Variants in MYO15A observed in about 807,000 individuals in gnomAD.
The protein encoded by MYO15A is myosin XVA.
MYO15A carries 308 observed loss-of-function variants against 394.6 expected under a neutral mutation model. That is an observed-to-expected ratio of 0.78 (90% CI 0.71 to 0.86). MYO15A has a LOEUF of 0.86. MYO15A is among the 40% of genes least tolerant of loss of function. The pLI is 0.00. For missense variants in MYO15A, 4,606 were observed against 4,799.1 expected (o/e 0.96, Z 1.19); for synonymous variants, 1,957 against 2,003.8 (o/e 0.98, Z 0.62).
In MYO15A at chr17:18,125,156, G is replaced by C; in HGVS notation, c.3693-12G>C. 6.2e-7 allele frequency: 1 copy of C among 1,614,024 alleles called. No homozygotes were observed. The highest frequency in any genetic ancestry group is 8.5e-7 in the Non-Finnish European group (1 of 1,179,914). Reference sequence around the variant, plus strand: ...CTGGGGGCACTGACGGCTTCTCTCTGTGTCCTTCTAGAGACCTCCAGGAAA... The same window carrying C: ...CTGGGGGCACTGACGGCTTCTCTCTCTGTCCTTCTAGAGACCTCCAGGAAA... On this transcript the variant is annotated splice_polypyrimidine_tract_variant and intron_variant, in intron 3 of 65. Transcript: ENST00000647165.
At position 18,162,657 on chromosome 17, in the gene MYO15A, G is replaced by T. The variant is rs376707136; in HGVS notation, c.9590G>T (p.Ser3197Ile). 3 of 1,614,034 alleles carry T rather than the reference G, an allele frequency of 1.9e-6. No individual in the cohort carries two copies. Among genetic ancestry groups the T allele is most frequent in the East Asian group, 4.5e-5 (2 of 44,862 alleles). The change falls in exon 58 of 66, where the codon AGC becomes ATC. Residue 3197 changes from serine to isoleucine, a missense_variant. Coordinates refer to ENST00000647165, the MANE Select transcript of MYO15A (RefSeq NM_016239.4). ...GGAGGTCGTCTGGAGCTCCCCAGCA[G>T]CATAGAGCTTCGGGCCATGTTGGTG... The part of the protein sequence containing the change: ...RFGGRLELPS[S>I]IELRAMLAGR...
chr17:18,143,589 G>A lies in MYO15A; in HGVS notation c.5934G>A (p.Gln1978=), dbSNP rs542354280. The A allele has an allele frequency of 5.8e-6, 9 of 1,564,098 alleles. No individual in the cohort carries two copies. The African/African-American group carries it at 1.1e-4, about 19-fold the overall frequency. Residue 1978 remains glutamine (Q), a synonymous_variant, in exon 26 of 66, where the codon CAG becomes CAA. Coordinates refer to ENST00000647165, the MANE Select transcript of MYO15A (RefSeq NM_016239.4). ...AGCTGAGGGCAGAGTGGAGGTGCCA[G>A]GTGGAGGGGGCGCTGCTGTGGGAGC... The part of the protein sequence containing the change: ...YLKLRAEWRC[Q]VEGALLWEQE...
chr17:18,127,838 T>G (rs1394343752), intron 7 of MYO15A, among the ~76,000 whole-genome samples: 3 of 57,344 alleles, frequency 5.2e-5, no homozygotes, highest in Admixed American at 3.6e-4. Flanking sequence ...AAAAAAGATA[T>G]ATATATATAT....
rs767354620 is a variant in MYO15A, at chr17:18,127,089, C to T, written c.3956C>T (p.Ser1319Phe). 1 of 1,614,056 alleles carries T rather than the reference C, an allele frequency of 6.2e-7. No homozygotes were observed. Among genetic ancestry groups the T allele is most frequent in the East Asian group, 2.2e-5 (1 of 44,864 alleles). ...QCIIISGESG[S>F]GKTEATKLIL... ...TGCTCGGTCAGTGGAGAGAGCGGCT[C>T]TGGCAAAACTGAGGCCACCAAGCTG... The change falls in exon 7 of 66, where the codon TCT (serine) becomes TTT (phenylalanine). Residue 1319 changes from serine (S) to phenylalanine (F), a missense_variant. Physicochemically the swap from Ser to Phe is radical, Grantham distance 155 (BLOSUM62 -2). This residue lies in a region of MYO15A where 2,776 missense variants were observed against 3,109.3 expected (regional missense o/e 0.89). Transcript: ENST00000647165.
rs750130520 is a variant in MYO15A at position 18,119,213 on chromosome 17, CA to C, written c.419del (p.Lys140SerfsTer304). 6.2e-6 allele frequency: 10 copies of C among 1,612,520 alleles called. No homozygotes were observed. The East Asian group carries it at 2.0e-4, about 32-fold the overall frequency. On this transcript the variant is annotated frameshift_variant, in exon 2 of 66. Transcript: ENST00000647165. LOFTEE classifies it high-confidence loss of function. ...GCGTCCACGGCCATCAACTGGCTCA[CA>C]AAAAAGTTCCTCCTCAAGAAGGCCG... ...SKASTAINWL[T>X]KKFLLKKAEE...
chr17:18,167,778 A>G, intron 62 of MYO15A, 55 bp downstream of exon 62: 1 of 1,597,688 alleles, frequency 6.3e-7, no homozygotes, highest in Non-Finnish European at 8.5e-7. Flanking sequence ...CTGCCCTCTC[A>G]GCCCACCTCC....
intron 58 of MYO15A, 80 bp from the exon 59 acceptor site, chr17:18,163,164 G>A: frequency 6.8e-7 from 1 of 1,470,030 alleles, no homozygotes; most frequent in South Asian, 1.1e-5. Context: ...TTTGGCTTGG[G>A]AACTCCCAGG....
rs769685735 is a variant in MYO15A, at chr17:18,151,377, C to T, written c.7655-18C>T. 11 of 1,614,070 alleles carry T rather than the reference C, an allele frequency of 6.8e-6. No homozygotes were observed. The highest frequency in any genetic ancestry group is 2.2e-5 in the East Asian group (1 of 44,880). On this transcript the variant is annotated intron_variant, in intron 39 of 65. Coordinates refer to ENST00000647165, the MANE Select transcript of MYO15A (RefSeq NM_016239.4). ...CCTTGTGGCCTCACCCTGTTCCCAC[C>T]GCGCCCCTTGCCCACAGCTTCACCC...
chr17:18,148,184 T>G lies in MYO15A; in HGVS notation c.6665T>G (p.Met2222Arg). The change falls in exon 31 of 66, where the codon ATG becomes AGG. Residue 2222 changes from methionine to arginine, a missense_variant. By Grantham distance (91) the Met-to-Arg change is moderately conservative (BLOSUM62 -1). This residue lies in a region of MYO15A where 2,776 missense variants were observed against 3,109.3 expected (regional missense o/e 0.89). Coordinates refer to ENST00000647165, the MANE Select transcript of MYO15A (RefSeq NM_016239.4). The surrounding 1 kb of genome is among the most constrained non-coding windows in gnomAD (Gnocchi z 4.8). ...EWTATYEKASMALDVGCFNGD... is the reference protein window; with the variant it reads ...EWTATYEKASRALDVGCFNGD... ...ACAGCGACCTATGAGAAGGCCAGCA[T>G]GGCGCTGGACGTGGGCTGCTTCAAT... 6.2e-7 allele frequency: 1 copy of G among 1,613,790 alleles called. No individual in the cohort carries two copies. The highest frequency in any genetic ancestry group is 8.5e-7 in the Non-Finnish European group (1 of 1,180,028).
chr17:18,114,128 T>A (rs1314609673), intron 1 of MYO15A, among the ~76,000 whole-genome samples: 5 of 151,902 alleles, frequency 3.3e-5, no homozygotes, highest in Non-Finnish European at 7.4e-5. Context: ...TTTTCTTTTT[T>A]AAAACAATCA....
In MYO15A at chr17:18,157,829, GGCC is replaced by G. The variant is rs767918389; in HGVS notation, c.8898_8900del (p.Arg2967del). Reference sequence around the variant, plus strand: ...GCAGCTGCCAACGGAGCCAGGCCGCGGCCGAGCAGCCGCCGTGGCCGCTGCTGT... The same window carrying G: ...GCAGCTGCCAACGGAGCCAGGCCGCGGAGCAGCCGCCGTGGCCGCTGCTGT... On this transcript the variant is annotated inframe_deletion, in exon 51 of 66. Transcript: ENST00000647165. 1.3e-6 allele frequency: 2 copies of G among 1,596,670 alleles called. No individual in the cohort carries two copies. Among genetic ancestry groups the G allele is most frequent in the Non-Finnish European group, 1.7e-6 (2 of 1,176,910 alleles).
At chr17:18,169,166 G>A (rs1312853763) in intron 62 of MYO15A, among the ~76,000 whole-genome samples, 1 of 137,154 alleles carries the variant, frequency 7.3e-6, no homozygotes, top group African/African-American at 2.6e-5. Flanking sequence ...ATAAAAATAG[G>A]CTGGGCACAG....
At chr17:18,126,074 C>T (rs2046032224) in intron 4 of MYO15A, among the ~76,000 whole-genome samples, 1 of 152,250 alleles carries the variant, frequency 6.6e-6, no homozygotes, top group South Asian at 2.1e-4. Context: ...CAACCTTGAA[C>T]AAATGAAGTA....
chr17:18,138,762 A>G, intron 17 of MYO15A, 49 bp from the exon 18 acceptor site: 1 of 1,607,984 alleles, frequency 6.2e-7, no homozygotes, highest in Non-Finnish European at 8.5e-7. Flanking sequence ...GGCCAGGAAC[A>G]GGGTGTCCAG....
chr17:18,116,979 G>A (rs1339564405), intron 1 of MYO15A, among the ~76,000 whole-genome samples: 5 of 151,546 alleles, frequency 3.3e-5, no homozygotes, highest in East Asian at 1.9e-4. Context: ...TTCCTCAAGC[G>A]GGCAAGAGCC....
In MYO15A at chr17:18,153,572, C is replaced by G. The variant is rs187561473; in HGVS notation, c.7967-203C>G. On this transcript the variant is annotated intron_variant, in intron 42 of 65. Transcript: ENST00000647165. The surrounding 1 kb of genome is among the most constrained non-coding windows in gnomAD (Gnocchi z 4.1). Reference sequence around the variant, plus strand: ...AATTAGCCAGGCGTCGTGGCGGGCGCCTGTAATCCCAGCTACTCAGGAGGC... The same window carrying G: ...AATTAGCCAGGCGTCGTGGCGGGCGGCTGTAATCCCAGCTACTCAGGAGGC... The G allele has an allele frequency of 1.3e-5, 4 of 310,904 alleles. No homozygotes were observed. In the East Asian group the frequency reaches 3.8e-4, roughly 29 times the overall value. 19.3% of individuals were successfully genotyped at this position (310,904 alleles called of 1,614,324 possible). A position where few individuals can be genotyped will look rare whatever the true frequency, so the allele number is the denominator to read the frequency against.
At chr17:18,118,394 G>A (rs935039135) in intron 1 of MYO15A, among the ~76,000 whole-genome samples, 188 bp from the exon 2 acceptor site, 1 of 152,202 alleles carries the variant, frequency 6.6e-6, no homozygotes, top group Non-Finnish European at 1.5e-5. Flanking sequence ...CCTCTGTGAA[G>A]CCGAAGTGAC....
Position 18,160,035 on chromosome 17 carries a change from TA to T in MYO15A, c.9386+19del. The T allele has an allele frequency of 6.2e-7, 1 of 1,604,642 alleles. No individual in the cohort carries two copies. The highest frequency in any genetic ancestry group is 2.2e-5 in the East Asian group (1 of 44,880). ...TCCAAGCAGTGAGTGAACTGGACTT[TA>T]CCCCACCATCCCCTCACTGTGTCCA... On this transcript the variant is annotated intron_variant, in intron 56 of 65. Transcript: ENST00000647165.
chr17:18,161,061 GAAT>G, intron 56 of MYO15A: 1 of 639,694 alleles, frequency 1.6e-6, no homozygotes, highest in Non-Finnish European at 2.9e-6. Flanking sequence ...GAGAAGAGAA[GAAT>G]AGGAGAGGAA....
Sources: allele counts gnomAD v4.1 joint callset (sites outside exome capture counted in the v4.1 genomes callset), GRCh38; gene constraint gnomAD v4.1.1; regional missense constraint gnomAD v4.1.1; non-coding constraint Gnocchi (gnomAD v3.1); transcripts MANE v1.5; gene names NCBI Gene and HGNC (gene_info 2026-07-23, HGNC 2026-07-21).